Variants in MRC2 observed in about 807,000 individuals in gnomAD.
MRC2 encodes C-type mannose receptor 2.
A neutral mutation model predicts 206.2 loss-of-function variants in MRC2; 84 were observed. The ratio of observed to expected loss-of-function variants is 0.41; its 90% CI spans 0.34 to 0.49. The LOEUF is 0.49. MRC2 is among the 20% of genes least tolerant of loss of function. MRC2 has a pLI of 0.31. For synonymous variants in MRC2, 798 were observed against 800.0 expected (o/e 1.00, Z 0.04); for missense variants, 1,676 against 2,001.5 (o/e 0.84, Z 3.10).
rs2088884377 is a variant in MRC2, at chr17:62,675,821, G to A, written c.1601G>A (p.Trp534Ter). The A allele has an allele frequency of 1.9e-6, 3 of 1,614,042 alleles. No homozygotes were observed. Among genetic ancestry groups the A allele is most frequent in the Non-Finnish European group, 2.5e-6 (3 of 1,180,022 alleles). ...GWTWHSPSCY[W>*]LGEDQVTYSE... The stretch of plus-strand genomic sequence containing the variant: ...ACGTGGCACAGCCCATCCTGCTACT[G>A]GCTGGGAGAAGACCAAGTGACCTAC... Residue 534 changes from tryptophan (W) to a stop codon, truncating the protein, a stop_gained, in exon 10 of 30, where the codon TGG becomes TAG. Transcript: ENST00000303375. LOFTEE classifies it high-confidence loss of function. This position sits in a 1 kb window ranked among gnomAD's most constrained non-coding sequence, Gnocchi z 4.1.
At chr17:62,643,776 T>C (rs2088439790) in intron 1 of MRC2, among the ~76,000 whole-genome samples, 1 of 152,206 alleles carries the variant, frequency 6.6e-6, no homozygotes, top group South Asian at 2.1e-4. Flanking sequence ...TATTTATAAG[T>C]TAAAGTAATA....
chr17:62,682,203 G>C, intron 19 of MRC2, 32 bp from the exon 20 acceptor site: 2 of 1,533,842 alleles, frequency 1.3e-6, no homozygotes, highest in African/African-American at 1.4e-5. Flanking sequence ...CTCTGCCCTG[G>C]GGGTGACTGC....
chr17:62,691,304 C>T (rs1368817269), intron 28 of MRC2, among the ~76,000 whole-genome samples, 176 bp downstream of exon 28: 1 of 152,166 alleles, frequency 6.6e-6, no homozygotes, highest in African/African-American at 2.4e-5. Flanking sequence ...ATGGACTGGA[C>T]CTGAAACTTA....
chr17:62,672,599 G>A lies in MRC2; in HGVS notation c.1461+447G>A, dbSNP rs1568064332. Among the ~76,000 whole-genome samples the A allele has an allele frequency of 6.6e-6, 1 of 152,208 alleles. No individual in the cohort carries two copies. The highest frequency in any genetic ancestry group is 1.5e-5 in the Non-Finnish European group (1 of 68,044). Reference sequence around the variant, plus strand: ...CAGGGTCCTGTCATCTCAAGAGATTGTTGGGTTTTATGACAATTTGCCATG... The same window carrying A: ...CAGGGTCCTGTCATCTCAAGAGATTATTGGGTTTTATGACAATTTGCCATG... On this transcript the variant is annotated intron_variant, in intron 8 of 29. Coordinates refer to ENST00000303375, the MANE Select transcript of MRC2 (RefSeq NM_006039.5). This position sits in a 1 kb window ranked among gnomAD's most constrained non-coding sequence, Gnocchi z 4.5.
chr17:62,683,873 A>AG (rs2089001556), intron 20 of MRC2: 1 of 152,154 alleles, frequency 6.6e-6, no homozygotes, highest in African/African-American at 2.4e-5. Flanking sequence ...TCCAAAAAAA[A>AG]AAAAGATCAA....
At chr17:62,663,830 A>G (rs2088709122) in intron 1 of MRC2, among the ~76,000 whole-genome samples, 1 of 152,176 alleles carries the variant, frequency 6.6e-6, no homozygotes, top group African/African-American at 2.4e-5. Flanking sequence ...TTTTGGCAGA[A>G]AAACCACGCC....
In MRC2 at chr17:62,666,855, C is replaced by T. The variant is rs1453922316; in HGVS notation, c.958C>T (p.Leu320Phe). ...QWSDNSPLKY[L>F]NWESDQPDNP... ...GTCGGACAACTCGCCCCTCAAGTAC[C>T]TCAACTGGGAGAGTGGTGAGGCACA... Residue 320 changes from leucine (L) to phenylalanine (F), a missense_variant, in exon 5 of 30, where the codon CTC (leucine) becomes TTC (phenylalanine). This residue lies in a region of MRC2 where 1,354 missense variants were observed against 1,636.6 expected (regional missense o/e 0.83). Transcript: ENST00000303375. This position sits in a 1 kb window ranked among gnomAD's most constrained non-coding sequence, Gnocchi z 5.0. 1 of 1,613,706 alleles carries T rather than the reference C, an allele frequency of 6.2e-7. No homozygotes were observed. The highest frequency in any genetic ancestry group is 8.5e-7 in the Non-Finnish European group (1 of 1,179,890).
chr17:62,651,657 C>T (rs2088557622), intron 1 of MRC2, among the ~76,000 whole-genome samples: 1 of 152,104 alleles, frequency 6.6e-6, no homozygotes, highest in Non-Finnish European at 1.5e-5. Context: ...TCACTGTAAC[C>T]TCCTCCTCCC....
chr17:62,633,490 G>A (rs1270972094), intron 1 of MRC2, among the ~76,000 whole-genome samples: 1 of 143,980 alleles, frequency 6.9e-6, no homozygotes, highest in South Asian at 2.3e-4. Flanking sequence ...GCAACAGAGC[G>A]GGACTCCGTC....
intron 18 of MRC2, chr17:62,681,441 G>T (rs1017833071): frequency 4.0e-6 from 2 of 505,456 alleles, no homozygotes; most frequent in Non-Finnish European, 7.0e-6. Flanking sequence ...AGGCCCTCTC[G>T]GGGAAGTGGG....
intron 1 of MRC2, among the ~76,000 whole-genome samples, chr17:62,632,014 C>T (rs192592584): frequency 6.6e-6 from 1 of 152,236 alleles, no homozygotes; most frequent in African/African-American, 2.4e-5. Flanking sequence ...CCTGTTCAGG[C>T]CTACGTGAGA....
chr17:62,635,668 G>A (rs1429290504), intron 1 of MRC2, among the ~76,000 whole-genome samples: 2 of 152,180 alleles, frequency 1.3e-5, no homozygotes, highest in African/African-American at 4.8e-5. Flanking sequence ...GTAAGAATGG[G>A]CCAGGCATGG....
At chr17:62,639,029 G>A (rs989702581) in intron 1 of MRC2, among the ~76,000 whole-genome samples, 1 of 152,196 alleles carries the variant, frequency 6.6e-6, no homozygotes, top group Non-Finnish European at 1.5e-5. Flanking sequence ...ATAGCAAGCT[G>A]TCACATAGAA....
intron 20 of MRC2, among the ~76,000 whole-genome samples, chr17:62,687,240 A>G (rs2089042980): frequency 6.6e-6 from 1 of 152,014 alleles, no homozygotes; most frequent in Admixed American, 6.6e-5. Context: ...AGCTCACTGC[A>G]ACCTCCGCCT....
intron 6 of MRC2, among the ~76,000 whole-genome samples, chr17:62,669,278 G>A (rs1598985770): frequency 6.6e-6 from 1 of 151,602 alleles, no homozygotes; most frequent in Non-Finnish European, 1.5e-5. Context: ...GTAGTGGTGC[G>A]ATCTTGGCTC....
Position 62,682,304 on chromosome 17 carries a change from A to G in MRC2, c.2873A>G (p.Glu958Gly). ...YICKRSNVTK[E>G]TQPPDLPTTA... ...TGCAAGCGCAGCAACGTCACCAAAG[A>G]AACGCAGCCCCCAGACCTGCCAACT... Residue 958 changes from glutamate (E) to glycine (G), a missense_variant, in exon 20 of 30, where the codon GAA becomes GGA. Around this residue, in one of 3 missense-constraint regions of MRC2, gnomAD observed 1,354 missense variants for 1,636.6 expected, o/e 0.83. Coordinates refer to ENST00000303375, the MANE Select transcript of MRC2 (RefSeq NM_006039.5). The G allele has an allele frequency of 6.2e-7, 1 of 1,606,410 alleles. No individual in the cohort carries two copies. Among genetic ancestry groups the G allele is most frequent in the Non-Finnish European group, 8.5e-7 (1 of 1,176,546 alleles).
intron 1 of MRC2, among the ~76,000 whole-genome samples, chr17:62,654,726 G>A (rs2088596839): frequency 6.6e-6 from 1 of 152,230 alleles, no homozygotes; most frequent in Non-Finnish European, 1.5e-5. Context: ...AAGGAGGAAG[G>A]AGATGGGTTA....
At position 62,683,484 on chromosome 17, in the gene MRC2, GA is replaced by G. The variant is rs1204993423; in HGVS notation, c.2946+1117del. On this transcript the variant is annotated intron_variant, in intron 20 of 29. Coordinates refer to ENST00000303375, the MANE Select transcript of MRC2 (RefSeq NM_006039.5). ...ACTCCGTCTCAAAAAAATAAACAAAGAAAAAAAAAACAACAAAAAAAACACC... is the reference window on the plus strand; with the variant it reads ...ACTCCGTCTCAAAAAAATAAACAAAGAAAAAAAAACAACAAAAAAAACACC... Among the ~76,000 whole-genome samples the G allele has an allele frequency of 4.6e-3, 316 of 69,010 alleles. 4 individuals are homozygous for G. The highest frequency in any genetic ancestry group is 0.022 in the Middle Eastern group (2 of 90). The allele number at this position is 69,010 out of a possible 152,430, so 45.3% of individuals were successfully genotyped here.
In MRC2 at chr17:62,677,894, C is replaced by CA. The variant is rs567037152; in HGVS notation, c.2052+414dup. Among the ~76,000 whole-genome samples, 1,130 of 152,094 alleles carry CA rather than the reference C, an allele frequency of 7.4e-3. 4 individuals carry two copies. The highest frequency in any genetic ancestry group is 0.013 in the Non-Finnish European group (854 of 67,972). ...GTGAAACCCCATCTCTACTAAAATACAAAAAATTAGCCAGGTGTGGTGGCA... is the reference window on the plus strand; with the variant it reads ...GTGAAACCCCATCTCTACTAAAATACAAAAAAATTAGCCAGGTGTGGTGGCA... On this transcript the variant is annotated intron_variant, in intron 12 of 29. Transcript: ENST00000303375.
Sources: gnomAD v4.1 joint callset for allele counts (sites outside exome capture counted in the v4.1 genomes callset) on GRCh38, gnomAD v4.1.1 for gene constraint, gnomAD v4.1.1 regional missense constraint, Gnocchi (gnomAD v3.1) non-coding constraint, MANE v1.5 for transcripts, NCBI Gene and HGNC (gene_info 2026-07-23, HGNC 2026-07-21) for gene names.